Variants in ZMAT3 observed in about 807,000 individuals in gnomAD.
ZMAT3 encodes the protein zinc finger matrin-type 3.
ZMAT3 carries 17 observed loss-of-function variants against 32.3 expected under a neutral mutation model. That is an observed-to-expected ratio of 0.53 (90% CI 0.36 to 0.79). The LOEUF (loss-of-function observed/expected upper bound fraction) is 0.79. ZMAT3 is among the 30% of genes least tolerant of loss of function. ZMAT3 has a pLI of 0.00. For synonymous variants in ZMAT3, 120 were observed against 133.1 expected, an observed-to-expected ratio of 0.90 and a Z score of 0.68; for missense variants, 329 against 359.7, an observed-to-expected ratio of 0.91 and a Z score of 0.69.
chr3:179,045,313 A>G (rs547456493), intron 2 of ZMAT3, among the ~76,000 whole-genome samples: 1 of 152,306 alleles, frequency 6.6e-6, no homozygotes, highest in African/African-American at 2.4e-5. Flanking sequence ...ACAGAAACAT[A>G]CATAGGAGAT....
chr3:179,030,832 T>G, intron 3 of ZMAT3, 48 bp downstream of exon 3: 1 of 1,584,294 alleles, frequency 6.3e-7, no homozygotes. Context: ...TTTGTGCATA[T>G]TACAGCTTCC....
chr3:179,069,116 T>TC (rs1407946210), intron 1 of ZMAT3, among the ~76,000 whole-genome samples: 3 of 152,090 alleles, frequency 2.0e-5, no homozygotes, highest in Non-Finnish European at 4.4e-5. Context: ...TTTTCCTCCT[T>TC]CTCTAGGTAA....
chr3:179,064,605 T>C (rs932739186), intron 2 of ZMAT3, among the ~76,000 whole-genome samples: 2 of 152,172 alleles, frequency 1.3e-5, no homozygotes, highest in African/African-American at 4.8e-5. Flanking sequence ...AATTTCCTTG[T>C]ATTTTTGTAG....
intron 2 of ZMAT3, among the ~76,000 whole-genome samples, chr3:179,032,427 G>A (rs140698382): frequency 0.18 from 27,665 of 151,882 alleles, 2,579 homozygotes; most frequent in South Asian, 0.22. Flanking sequence ...CCGCCACCCC[G>A]TCTAGGAAGT....
intron 2 of ZMAT3, among the ~76,000 whole-genome samples, chr3:179,043,568 T>A (rs1366866335): frequency 6.6e-6 from 1 of 152,126 alleles, no homozygotes; most frequent in African/African-American, 2.4e-5. Flanking sequence ...ATACAAAAAT[T>A]AATTCAAGAT....
At chr3:179,049,688 C>A (rs1328356319) in intron 2 of ZMAT3, among the ~76,000 whole-genome samples, 1 of 152,102 alleles carries the variant, frequency 6.6e-6, no homozygotes, top group East Asian at 1.9e-4. Flanking sequence ...GCATTAACTG[C>A]CTACATCAAA....
Position 179,022,026 on chromosome 3 carries a change from C to T in ZMAT3, c.*2991G>A, listed in dbSNP as rs561488773. ...AAGGAGCAAACTGAGTTATTGTAGG[C>T]AATACGGTACTAAAGTGTCCTATAA... On this transcript the variant is annotated 3_prime_UTR_variant, in exon 6 of 6. Transcript: ENST00000311417. 2.0e-5 allele frequency: 3 copies of T among 152,260 alleles called. No individual in the cohort carries two copies. In the South Asian group the frequency reaches 6.2e-4, roughly 32 times the overall value. 9.4% of individuals were successfully genotyped at this position (152,260 alleles called of 1,614,324 possible).
chr3:179,024,905 A>C lies in ZMAT3; in HGVS notation c.*112T>G. The C allele has an allele frequency of 9.4e-7, 1 of 1,062,988 alleles. No individual in the cohort carries two copies. The highest frequency in any genetic ancestry group is 1.4e-6 in the Non-Finnish European group (1 of 715,078). The allele number at this position is 1,062,988 out of a possible 1,614,324, so 65.8% of individuals were successfully genotyped here. The stretch of plus-strand genomic sequence containing the variant: ...CATGGTACCACTGTGGGTTACATGT[A>C]TTAACATTAAGCAGAGGAATGTACT... On this transcript the variant is annotated 3_prime_UTR_variant, in exon 6 of 6. Transcript: ENST00000311417.
At chr3:179,049,680 A>C (rs1232955235) in intron 2 of ZMAT3, among the ~76,000 whole-genome samples, 1 of 152,226 alleles carries the variant, frequency 6.6e-6, no homozygotes, top group Non-Finnish European at 1.5e-5. Context: ...TGCTAATAGC[A>C]TTAACTGCCT....
rs1718456215 is a variant in ZMAT3, at chr3:179,019,835, T to C, written c.*5182A>G. 6.6e-6 allele frequency: 1 copy of C among 152,158 alleles called. No individual in the cohort carries two copies. The highest frequency in any genetic ancestry group is 1.5e-5 in the Non-Finnish European group (1 of 68,012). The allele number at this position is 152,158 out of a possible 1,614,324, so 9.4% of individuals were successfully genotyped here. On this transcript the variant is annotated 3_prime_UTR_variant, in exon 6 of 6. Coordinates refer to ENST00000311417, the MANE Select transcript of ZMAT3 (RefSeq NM_022470.4). Reference sequence around the variant, plus strand: ...GCAAATACATAATTTTTCCCCTCTCTACAGAAGACAAGTTTGAAAATGACC... The same window carrying C: ...GCAAATACATAATTTTTCCCCTCTCCACAGAAGACAAGTTTGAAAATGACC...
intron 5 of ZMAT3, among the ~76,000 whole-genome samples, chr3:179,026,918 T>A (rs78604815): frequency 0.015 from 2,263 of 152,332 alleles, 36 homozygotes; most frequent in Middle Eastern, 0.037. Context: ...ACTAAATGTG[T>A]ATATCAGAAG....
Position 179,030,978 on chromosome 3 carries a change from G to A in ZMAT3, c.292C>T (p.Leu98Phe), listed in dbSNP as rs368631631. 3.7e-6 allele frequency: 6 copies of A among 1,613,082 alleles called. No individual in the cohort carries two copies. Among genetic ancestry groups the A allele is most frequent in the Non-Finnish European group, 4.2e-6 (5 of 1,179,648 alleles). The change falls in exon 3 of 6, where the codon CTC becomes TTC. Residue 98 changes from leucine (L) to phenylalanine (F), a missense_variant. Transcript: ENST00000311417. ...CTATTTGCTGCATAGTAATTTCGGA[G>A]TTTCTTACCATGATTTTTACCCTAG... ...HYQGKNHGKK[L>F]RNYYAANSCP...
At chr3:179,065,758 T>C (rs1489037820) in intron 2 of ZMAT3, among the ~76,000 whole-genome samples, 1 of 151,936 alleles carries the variant, frequency 6.6e-6, no homozygotes, top group Non-Finnish European at 1.5e-5. Flanking sequence ...ATACAAAAAT[T>C]AGCTGGGTGT....
At chr3:179,040,177 A>G (rs1719839312) in intron 2 of ZMAT3, among the ~76,000 whole-genome samples, 1 of 152,310 alleles carries the variant, frequency 6.6e-6, no homozygotes, top group East Asian at 1.9e-4. Flanking sequence ...TATCCAGGAG[A>G]ACTTCCCCAA....
intron 2 of ZMAT3, among the ~76,000 whole-genome samples, chr3:179,062,026 G>C (rs757867185): frequency 8.5e-5 from 13 of 152,168 alleles, no homozygotes; most frequent in Non-Finnish European, 1.8e-4. Context: ...AATGGGTGGA[G>C]AACAGGTGAT....
chr3:179,063,913 A>G (rs1398159588), intron 2 of ZMAT3, among the ~76,000 whole-genome samples: 1 of 152,244 alleles, frequency 6.6e-6, no homozygotes. Flanking sequence ...TCCTTGGAAT[A>G]AAACTAAATC....
chr3:179,067,841 A>C (rs2108592636), intron 1 of ZMAT3, 32 bp from the exon 2 acceptor site: 3 of 1,536,046 alleles, frequency 2.0e-6, no homozygotes, highest in South Asian at 1.3e-5. Flanking sequence ...AGAAAAAAAA[A>C]CTCACTTGAA....
At position 179,023,087 on chromosome 3, in the gene ZMAT3, T is replaced by C. The variant is rs983218756; in HGVS notation, c.*1930A>G. The C allele has an allele frequency of 1.3e-5, 2 of 151,930 alleles. No individual in the cohort carries two copies. Among genetic ancestry groups the C allele is most frequent in the African/African-American group, 2.4e-5 (1 of 41,352 alleles). 9.4% of individuals were successfully genotyped at this position (151,930 alleles called of 1,614,324 possible). On this transcript the variant is annotated 3_prime_UTR_variant, in exon 6 of 6. Coordinates refer to ENST00000311417, the MANE Select transcript of ZMAT3 (RefSeq NM_022470.4). ...CCACTGGTCTTACCCATATAAAATA[T>C]AGTAAATAGATAAAATGTAGTTAAT...
intron 2 of ZMAT3, among the ~76,000 whole-genome samples, chr3:179,039,762 C>T (rs930952672): frequency 6.6e-6 from 1 of 152,130 alleles, no homozygotes; most frequent in Admixed American, 6.5e-5. Context: ...TTCAGAAGGT[C>T]AGTAATAACA....
Sources: gnomAD v4.1 joint callset for allele counts (sites outside exome capture counted in the v4.1 genomes callset) on GRCh38, gnomAD v4.1.1 for gene constraint, MANE v1.5 for transcripts, NCBI Gene and HGNC (gene_info 2026-07-23, HGNC 2026-07-21) for gene names.